Variants in TBCD observed in about 807,000 individuals in gnomAD.
The protein encoded by TBCD is tubulin folding cofactor D.
A neutral mutation model predicts 169.3 loss-of-function variants in TBCD; 105 were observed. The ratio of observed to expected loss-of-function variants is 0.62; its 90% CI spans 0.53 to 0.73. The LOEUF (loss-of-function observed/expected upper bound fraction) is 0.73. Ranked by LOEUF, TBCD falls within the 30% of genes least tolerant of loss-of-function variation. The pLI is 0.00. For missense variants in TBCD, 1,444 were observed against 1,600.1 expected (o/e 0.90, Z 1.66); for synonymous variants, 700 against 643.9 (o/e 1.09, Z -1.32).
In TBCD at chr17:82,942,488, A is replaced by G. The variant is rs141936756; in HGVS notation, c.*25A>G. 3.1e-6 allele frequency: 5 copies of G among 1,613,234 alleles called. No homozygotes were observed. Among genetic ancestry groups the G allele is most frequent in the African/African-American group, 2.7e-5 (2 of 74,908 alleles). On this transcript the variant is annotated 3_prime_UTR_variant, in exon 39 of 39. Transcript: ENST00000355528. Reference sequence around the variant, plus strand: ...AAGCCAGTCCTGGAGCCCATACCTCACCCCTGCCTGGTGAGGATGTCTTGT... The same window carrying G: ...AAGCCAGTCCTGGAGCCCATACCTCGCCCCTGCCTGGTGAGGATGTCTTGT...
intron 13 of TBCD, among the ~76,000 whole-genome samples, chr17:82,824,939 C>CTTT (rs35023165): frequency 1.3e-5 from 2 of 149,498 alleles, no homozygotes; most frequent in African/African-American, 4.9e-5. Flanking sequence ...AAATAAGTCT[C>CTTT]TTTTTTTTTT....
At chr17:82,909,846 T>C (rs1599461020) in intron 22 of TBCD, among the ~76,000 whole-genome samples, 2 of 152,130 alleles carry the variant, frequency 1.3e-5, no homozygotes, top group Admixed American at 6.5e-5. Flanking sequence ...TCTGGCCGGG[T>C]GCCTCCCTGA....
intron 17 of TBCD, among the ~76,000 whole-genome samples, chr17:82,895,367 G>T (rs766250994): frequency 1.1e-3 from 173 of 152,330 alleles, no homozygotes; most frequent in South Asian, 2.9e-3. Context: ...GGTGAGGGAG[G>T]CAGTGGTCCT....
intron 13 of TBCD, among the ~76,000 whole-genome samples, 193 bp downstream of exon 13, chr17:82,815,127 G>A (rs1247792762): frequency 2.0e-5 from 3 of 152,226 alleles, no homozygotes; most frequent in East Asian, 1.9e-4. Flanking sequence ...CCGCGGGCAC[G>A]CCCAGAAGAG....
rs189464975 is a variant in TBCD, at chr17:82,884,533, C to A, written c.1533+331C>A. Among the ~76,000 whole-genome samples the A allele has an allele frequency of 5.3e-5, 8 of 152,288 alleles. No homozygotes were observed. The highest frequency in any genetic ancestry group is 5.2e-4 in the Admixed American group (8 of 15,308). On this transcript the variant is annotated intron_variant, in intron 15 of 38. Coordinates refer to ENST00000355528, the MANE Select transcript of TBCD (RefSeq NM_005993.5). This position sits in a 1 kb window ranked among gnomAD's most constrained non-coding sequence, Gnocchi z 4.2. Reference sequence around the variant, plus strand: ...CTGAAGACGCAGAAGAGAGTGGGTTCTGCGAGGGTGGCCAGAATGTGGCGG... The same window carrying A: ...CTGAAGACGCAGAAGAGAGTGGGTTATGCGAGGGTGGCCAGAATGTGGCGG...
intron 13 of TBCD, among the ~76,000 whole-genome samples, chr17:82,857,052 C>CGCTGT (rs2056371660): frequency 6.6e-6 from 1 of 152,246 alleles, no homozygotes. Context: ...TTTCCACAGA[C>CGCTGT]GCTGTGCTGC....
intron 13 of TBCD, among the ~76,000 whole-genome samples, chr17:82,828,300 G>A (rs1474084538): frequency 2.2e-5 from 2 of 89,358 alleles, no homozygotes; most frequent in Admixed American, 1.5e-4. Flanking sequence ...ACAGGCACAC[G>A]TGCACACCCA....
At position 82,885,535 on chromosome 17, in the gene TBCD, A is replaced by C. The variant is rs1391030152; in HGVS notation, c.1533+1333A>C. ...TATTTTGTCTTCAGCATCAGTAAAA[A>C]CCTCATAATTTTTTGGGGAAATCAT... On this transcript the variant is annotated intron_variant, in intron 15 of 38. Transcript: ENST00000355528. 4.6e-5 allele frequency among the ~76,000 whole-genome samples: 7 copies of C among 151,408 alleles called. No homozygotes were observed. The East Asian group carries it at 5.8e-4, about 13-fold the overall frequency.
At position 82,929,121 on chromosome 17, in the gene TBCD, G is replaced by T; in HGVS notation, c.2702G>T (p.Arg901Leu). 2.5e-6 allele frequency: 4 copies of T among 1,610,262 alleles called. No homozygotes were observed. The highest frequency in any genetic ancestry group is 2.7e-5 in the African/African-American group (2 of 74,974). The change falls in exon 31 of 39, where the codon CGC becomes CTC. Residue 901 changes from arginine (R) to leucine (L), a missense_variant. Coordinates refer to ENST00000355528, the MANE Select transcript of TBCD (RefSeq NM_005993.5). ...PELIEAHTCE[R>L]IMCCVAQQAS... ...CTGCTCTCGGTTTGCAGCTGTGAGC[G>T]CATCATGTGCTGTGTGGCCCAGCAG...
chr17:82,836,244 C>T (rs932386775), intron 13 of TBCD, among the ~76,000 whole-genome samples: 1 of 152,242 alleles, frequency 6.6e-6, no homozygotes, highest in African/African-American at 2.4e-5. Context: ...CCAGCCAGCT[C>T]AGTCAGTGGG....
intron 13 of TBCD, among the ~76,000 whole-genome samples, chr17:82,863,362 C>T (rs2056923522): frequency 6.6e-6 from 1 of 152,154 alleles, no homozygotes; most frequent in African/African-American, 2.4e-5. Flanking sequence ...GGAGGCCAAG[C>T]GGTGTCTGTA....
chr17:82,824,134 A>G (rs2052633727), intron 13 of TBCD, among the ~76,000 whole-genome samples: 1 of 151,960 alleles, frequency 6.6e-6, no homozygotes, highest in African/African-American at 2.4e-5. Context: ...GCTGAATAAT[A>G]TTTCATTGTA....
At chr17:82,800,057 C>T (rs2050393159) in intron 8 of TBCD, among the ~76,000 whole-genome samples, 3 of 152,032 alleles carry the variant, frequency 2.0e-5, no homozygotes, top group Non-Finnish European at 2.9e-5. Flanking sequence ...CCCCTTCCTC[C>T]ATCTCCTTGT....
In TBCD at chr17:82,936,332, C is replaced by T. The variant is rs560656277; in HGVS notation, c.3192-939C>T. On this transcript the variant is annotated intron_variant, in intron 34 of 38. Transcript: ENST00000355528. ...TTTCAGGTGTAGGTTTTTTGTCTCG[C>T]GTGTTTCCACGTCTGCTTGTAGCGC... is the stretch of plus-strand genomic sequence containing the variant. 4.9e-4 allele frequency among the ~76,000 whole-genome samples: 74 copies of T among 152,314 alleles called. 1 individual carries two copies. The highest frequency in any genetic ancestry group is 8.4e-4 in the Non-Finnish European group (57 of 68,028).
intron 5 of TBCD, among the ~76,000 whole-genome samples, chr17:82,768,805 A>G: frequency 6.6e-6 from 1 of 152,236 alleles, no homozygotes; most frequent in East Asian, 1.9e-4. Context: ...GAGGGTAATC[A>G]TGGCAGATAA....
rs566338313 is a variant in TBCD, at chr17:82,927,019, C to T, written c.2472-167C>T. 1.2e-3 allele frequency: 1,162 copies of T among 944,804 alleles called. 1 individual carries two copies. The highest frequency in any genetic ancestry group is 1.8e-3 in the South Asian group (100 of 57,082). 58.5% of individuals were successfully genotyped at this position (944,804 alleles called of 1,614,324 possible). A position where few individuals can be genotyped will look rare whatever the true frequency, so the allele number is the denominator to read the frequency against. ...GAGCGTGACCTCGGGGAAGCACGTC[C>T]CACGTTCCATACATGTGGAAGGAGC... On this transcript the variant is annotated intron_variant, in intron 28 of 38. Transcript: ENST00000355528.
At chr17:82,823,704 G>T (rs578086568) in intron 13 of TBCD, among the ~76,000 whole-genome samples, 1 of 152,008 alleles carries the variant, frequency 6.6e-6, no homozygotes, top group Non-Finnish European at 1.5e-5. Flanking sequence ...TATGTAATTC[G>T]TCTACCATAT....
At chr17:82,848,426 A>G (rs954730245) in intron 13 of TBCD, among the ~76,000 whole-genome samples, 1 of 152,114 alleles carries the variant, frequency 6.6e-6, no homozygotes, top group African/African-American at 2.4e-5. Context: ...AACTTGGGCC[A>G]AGTTTAAGAA....
intron 23 of TBCD, chr17:82,913,775 A>AG (rs34979906): frequency 6.6e-6 from 1 of 152,338 alleles, no homozygotes; most frequent in Admixed American, 6.5e-5. Context: ...ACCGCCCCTT[A>AG]GGGGTCCTGC....
Sources: gnomAD v4.1 joint callset for allele counts (sites outside exome capture counted in the v4.1 genomes callset) on GRCh38, gnomAD v4.1.1 for gene constraint, Gnocchi (gnomAD v3.1) non-coding constraint, MANE v1.5 for transcripts, NCBI Gene and HGNC (gene_info 2026-07-23, HGNC 2026-07-21) for gene names.